XIRP2: variants seen among roughly 807,000 people sequenced by gnomAD.
XIRP2 encodes xin actin binding repeat containing 2.
Under a neutral mutation model 277.0 loss-of-function variants are expected in XIRP2, and 236 were observed. The ratio of observed to expected loss-of-function variants is 0.85; its 90% confidence interval spans 0.77 to 0.95. The LOEUF is 0.95. Among genes scored for constraint, XIRP2 ranks in the 40% least tolerant of loss-of-function variants. The pLI, the probability that XIRP2 is intolerant of heterozygous loss-of-function variation, is 0.00. For synonymous variants in XIRP2, 1,490 were observed against 1,416.5 expected (o/e 1.05, Z -1.17); for missense variants, 4,640 against 4,157.5 (o/e 1.12, Z -3.19).
At chr2:167,179,936 T>C (rs1692967991) in intron 3 of XIRP2, among the ~76,000 whole-genome samples, 1 of 152,216 alleles carries the variant, frequency 6.6e-6, no homozygotes. Flanking sequence ...CATGGGCCAC[T>C]GCACCTGATC....
At position 167,047,643 on chromosome 2, in the gene XIRP2, A is replaced by T. The variant is rs12618221; in HGVS notation, c.409-88266A>T. Among the ~76,000 whole-genome samples, 613 of 152,106 alleles carry T rather than the reference A, an allele frequency of 4.0e-3. 33 individuals are homozygous for T. In the East Asian group the frequency reaches 0.095, roughly 24 times the overall value. On this transcript the variant is annotated intron_variant, in intron 2 of 10. Transcript: ENST00000409195. ...ATGAGATCTGTCCTATTAGACAATA[A>T]TATTTAGTACAAGACAGGGCTGACA...
At chr2:166,905,146 A>G (rs1417802105) in intron 2 of XIRP2, among the ~76,000 whole-genome samples, 1 of 151,962 alleles carries the variant, frequency 6.6e-6, no homozygotes, top group African/African-American at 2.4e-5. Context: ...TTATACTTTT[A>G]TATCTTTTAG....
chr2:167,170,485 C>G (rs1692654758), intron 3 of XIRP2, among the ~76,000 whole-genome samples: 2 of 152,050 alleles, frequency 1.3e-5, no homozygotes, highest in South Asian at 2.1e-4. Flanking sequence ...AATTCATTTA[C>G]TGAATATAGA....
At chr2:167,208,653 G>T (rs180964419) in intron 3 of XIRP2, among the ~76,000 whole-genome samples, 63 of 152,052 alleles carry the variant, frequency 4.1e-4, no homozygotes, top group Non-Finnish European at 6.5e-4. Context: ...TCCAAATCAG[G>T]CCACTGATTT....
intron 2 of XIRP2, among the ~76,000 whole-genome samples, chr2:166,972,620 A>G (rs1686610613): frequency 6.6e-6 from 1 of 152,186 alleles, no homozygotes; most frequent in African/African-American, 2.4e-5. Flanking sequence ...ACAAACACAG[A>G]TAGTAGTAAA....
At chr2:167,124,837 A>C (rs78894100) in intron 2 of XIRP2, among the ~76,000 whole-genome samples, 1 of 152,132 alleles carries the variant, frequency 6.6e-6, no homozygotes, top group Non-Finnish European at 1.5e-5. Context: ...ACAAACGTGT[A>C]AACACTGGTG....
intron 2 of XIRP2, among the ~76,000 whole-genome samples, chr2:167,012,830 C>T (rs932033213): frequency 1.5e-4 from 23 of 151,522 alleles, no homozygotes; most frequent in Non-Finnish European, 4.4e-5. Context: ...GCCTTTCAGT[C>T]TGGCTATGCC....
At chr2:166,942,376 T>C (rs575341520) in intron 2 of XIRP2, among the ~76,000 whole-genome samples, 10 of 152,320 alleles carry the variant, frequency 6.6e-5, no homozygotes, top group African/African-American at 2.4e-4. Context: ...AGGTATTACT[T>C]CTCTTTATTT....
At chr2:167,157,941 T>G (rs1692248255) in intron 3 of XIRP2, among the ~76,000 whole-genome samples, 1 of 152,136 alleles carries the variant, frequency 6.6e-6, no homozygotes, top group South Asian at 2.1e-4. Context: ...GAAAAAAAAG[T>G]CTATGACAGC....
chr2:167,241,744 C>T (rs763044629), intron 7 of XIRP2, 33 bp from the exon 8 acceptor site: 2 of 1,570,612 alleles, frequency 1.3e-6, no homozygotes, highest in Non-Finnish European at 1.7e-6. Flanking sequence ...TTAGTAATTA[C>T]ATAGTAACCC....
chr2:166,922,446 G>A (rs982552247), intron 2 of XIRP2, among the ~76,000 whole-genome samples: 1 of 152,076 alleles, frequency 6.6e-6, no homozygotes, highest in Non-Finnish European at 1.5e-5. Flanking sequence ...GTACAACAAT[G>A]AGCATATTGT....
In XIRP2 at chr2:167,258,043, T is replaced by C. The variant is rs558319861; in HGVS notation, c.*226T>C. ...ATGAAGAACCAAATATGTGTAAAAA[T>C]ATTGCAGAAAACACCCTTGTACCTG... On this transcript the variant is annotated 3_prime_UTR_variant, in exon 11 of 11. Coordinates refer to ENST00000409195, the MANE Select transcript of XIRP2 (RefSeq NM_152381.6). 3 of 1,612,930 alleles carry C rather than the reference T, an allele frequency of 1.9e-6. No individual in the cohort carries two copies. The South Asian group carries it at 3.3e-5, about 18-fold the overall frequency.
chr2:167,213,446 T>C (rs1573963318), intron 4 of XIRP2, among the ~76,000 whole-genome samples: 1 of 152,202 alleles, frequency 6.6e-6, no homozygotes, highest in East Asian at 1.9e-4. Context: ...ACAGTTTTTT[T>C]GTAAAAAGAA....
chr2:167,237,690 G>C (rs1694940864), intron 5 of XIRP2, among the ~76,000 whole-genome samples: 2 of 152,166 alleles, frequency 1.3e-5, no homozygotes, highest in Non-Finnish European at 2.9e-5. Context: ...TAGGCCTCTA[G>C]GCGGAGACAT....
chr2:166,979,198 A>G (rs1300518146), intron 2 of XIRP2, among the ~76,000 whole-genome samples: 4 of 152,056 alleles, frequency 2.6e-5, no homozygotes, highest in Non-Finnish European at 5.9e-5. Context: ...AAATATCAGT[A>G]TTATCTTTGA....
chr2:167,078,829 C>T (rs1208885001), intron 2 of XIRP2, among the ~76,000 whole-genome samples: 1 of 90,958 alleles, frequency 1.1e-5, no homozygotes, highest in Non-Finnish European at 2.5e-5. Context: ...CACAGTGAGA[C>T]TCCGTCTCAA....
intron 2 of XIRP2, among the ~76,000 whole-genome samples, chr2:166,949,413 A>G (rs931359667): frequency 1.3e-5 from 2 of 152,100 alleles, no homozygotes; most frequent in Non-Finnish European, 2.9e-5. Flanking sequence ...AGGCTTGCAC[A>G]TGGCAAATAA....
chr2:166,904,284 T>C (rs1684462333), intron 2 of XIRP2, among the ~76,000 whole-genome samples: 1 of 152,182 alleles, frequency 6.6e-6, no homozygotes, highest in Non-Finnish European at 1.5e-5. Context: ...GTAATGATGC[T>C]GACATGGAAT....
intron 2 of XIRP2, among the ~76,000 whole-genome samples, chr2:166,933,031 G>A (rs760487504): frequency 5.3e-5 from 8 of 151,438 alleles, no homozygotes; most frequent in Non-Finnish European, 8.8e-5. Flanking sequence ...ATTCCTTCCT[G>A]TTTGCATTTA....
Sources: gnomAD v4.1 joint callset for allele counts (sites outside exome capture counted in the v4.1 genomes callset) on GRCh38, gnomAD v4.1.1 for gene constraint, MANE v1.5 for transcripts, NCBI Gene and HGNC (gene_info 2026-07-23, HGNC 2026-07-21) for gene names.